ROBO1: variants seen among roughly 807,000 people sequenced by gnomAD.
ROBO1 encodes roundabout homolog 1.
ROBO1 carries 149 observed loss-of-function variants against 195.9 expected under a neutral mutation model. That is an observed-to-expected ratio of 0.76 (90% CI 0.67 to 0.87). ROBO1 has a LOEUF of 0.87. ROBO1 is among the 40% of genes least tolerant of loss of function. The pLI is 0.00. For missense variants in ROBO1, 1,933 were observed against 2,068.3 expected (o/e 0.93, Z 1.27); for synonymous variants, 816 against 733.2 (o/e 1.11, Z -1.82).
chr3:79,379,817 C>T (rs1173827130), intron 2 of ROBO1, among the ~76,000 whole-genome samples: 1 of 152,186 alleles, frequency 6.6e-6, no homozygotes, highest in Non-Finnish European at 1.5e-5. Context: ...TATTTATAGA[C>T]ATATAAAATA....
chr3:79,265,545 A>T (rs1350395409), intron 2 of ROBO1, among the ~76,000 whole-genome samples: 1 of 151,576 alleles, frequency 6.6e-6, no homozygotes, highest in Non-Finnish European at 1.5e-5. Flanking sequence ...TTATTTGCAA[A>T]TTTTTTAAGT....
chr3:79,365,436 A>G (rs1296345396), intron 2 of ROBO1, among the ~76,000 whole-genome samples: 1 of 152,168 alleles, frequency 6.6e-6, no homozygotes, highest in Non-Finnish European at 1.5e-5. Context: ...GTCGGTTGCT[A>G]CTTAGTCAGA....
intron 2 of ROBO1, among the ~76,000 whole-genome samples, chr3:79,280,784 T>C (rs1253960350): frequency 6.6e-6 from 1 of 152,146 alleles, no homozygotes; most frequent in Non-Finnish European, 1.5e-5. Context: ...TCGATTCTCA[T>C]AAGGAGCCTG....
At chr3:79,115,188 T>C (rs1274185858) in intron 3 of ROBO1, among the ~76,000 whole-genome samples, 2 of 152,142 alleles carry the variant, frequency 1.3e-5, no homozygotes, top group Admixed American at 6.6e-5. Flanking sequence ...TGAAGTATTC[T>C]ATCATCAAGT....
intron 3 of ROBO1, among the ~76,000 whole-genome samples, chr3:78,978,720 T>TA (rs938270292): frequency 2.0e-5 from 3 of 152,070 alleles, no homozygotes; most frequent in African/African-American, 7.2e-5. Flanking sequence ...GTACAGTATA[T>TA]AAAAAAGAAG....
At chr3:79,248,257 A>C (rs1441695574) in intron 2 of ROBO1, among the ~76,000 whole-genome samples, 1 of 151,898 alleles carries the variant, frequency 6.6e-6, no homozygotes, top group East Asian at 1.9e-4. Context: ...TTATTCATTT[A>C]ATAAATATTT....
intron 5 of ROBO1, among the ~76,000 whole-genome samples, chr3:78,738,235 C>T (rs1176353791): frequency 6.6e-6 from 1 of 151,990 alleles, no homozygotes; most frequent in African/African-American, 2.4e-5. Flanking sequence ...TGTGAGTCAG[C>T]TGCTTTTTAC....
chr3:78,714,446 T>A lies in ROBO1; in HGVS notation c.996A>T (p.Ala332=), dbSNP rs754937232. ...CTTCAGCTTTGCCCACCATATTTTC[T>A]GCAACACAAGTGTATGAACCCATGT... ...AGDMGSYTCV[A]ENMVGKAEAS... is the part of the protein sequence containing the mutation. Residue 332 remains alanine, a synonymous_variant, in exon 8 of 31, where the codon GCA becomes GCT. Coordinates refer to ENST00000464233, the MANE Select transcript of ROBO1 (RefSeq NM_002941.4). 8.7e-6 allele frequency: 14 copies of A among 1,613,426 alleles called. No homozygotes were observed. Among genetic ancestry groups the A allele is most frequent in the Middle Eastern group, 1.6e-4 (1 of 6,082 alleles).
intron 19 of ROBO1, among the ~76,000 whole-genome samples, chr3:78,649,076 T>C (rs1706483382): frequency 6.6e-6 from 1 of 150,990 alleles, no homozygotes; most frequent in Non-Finnish European, 1.5e-5. Context: ...AGAGAGTCAA[T>C]GTAATTTAGC....
At chr3:78,785,109 A>C (rs184273548) in intron 4 of ROBO1, among the ~76,000 whole-genome samples, 11 of 152,332 alleles carry the variant, frequency 7.2e-5, no homozygotes, top group Admixed American at 3.9e-4. Flanking sequence ...CAGATACATG[A>C]CTGCCTAGAA....
intron 2 of ROBO1, among the ~76,000 whole-genome samples, chr3:79,568,832 C>A (rs1943176329): frequency 6.6e-6 from 1 of 152,040 alleles, no homozygotes; most frequent in South Asian, 2.1e-4. Context: ...TAGTATGTTA[C>A]ATTAATATTA....
chr3:79,439,477 A>G (rs760692230), intron 2 of ROBO1, among the ~76,000 whole-genome samples: 3 of 152,104 alleles, frequency 2.0e-5, no homozygotes, highest in Admixed American at 1.3e-4. Flanking sequence ...ATTTTTAGGT[A>G]TGCTTTTGTT....
intron 2 of ROBO1, among the ~76,000 whole-genome samples, chr3:79,544,149 G>A (rs947174694): frequency 1.3e-4 from 20 of 151,858 alleles, no homozygotes; most frequent in African/African-American, 4.8e-4. Context: ...TTAATATAAA[G>A]CCTTTTTTCT....
intron 4 of ROBO1, among the ~76,000 whole-genome samples, chr3:78,859,039 T>C (rs963730999): frequency 1.3e-5 from 2 of 152,138 alleles, no homozygotes; most frequent in Admixed American, 1.3e-4. Flanking sequence ...CAACTCTCTG[T>C]TGAACTCTTG....
intron 4 of ROBO1, among the ~76,000 whole-genome samples, chr3:78,884,343 GGCTCACGTCTGTAATCCCA>G (rs2036370873): frequency 2.0e-5 from 3 of 152,036 alleles, no homozygotes; most frequent in African/African-American, 7.3e-5. Flanking sequence ...TGGGTGTGGT[GGCTCACGTCTGTAATCCCA>G]GCACTTTGGG....
In ROBO1 at chr3:79,181,778, T is replaced by C. The variant is rs190926168; in HGVS notation, c.89-56239A>G. On this transcript the variant is annotated intron_variant, in intron 2 of 30. Transcript: ENST00000464233. ...CATCTCTACTAAAACATTTGAAAAATTAGCCAGGCATACTGGTGGTGACAG... is the reference window on the plus strand; with the variant it reads ...CATCTCTACTAAAACATTTGAAAAACTAGCCAGGCATACTGGTGGTGACAG... 1.6e-3 allele frequency among the ~76,000 whole-genome samples: 238 copies of C among 151,966 alleles called. 3 individuals are homozygous for C. Among genetic ancestry groups the C allele is most frequent in the Non-Finnish European group, 2.2e-3 (150 of 67,956 alleles).
At chr3:79,316,585 TTAGAGA>T (rs1233321447) in intron 2 of ROBO1, among the ~76,000 whole-genome samples, 2 of 152,046 alleles carry the variant, frequency 1.3e-5, no homozygotes, top group African/African-American at 4.8e-5. Flanking sequence ...TCCTATGTTC[TTAGAGA>T]TAAAGTCTGA....
intron 3 of ROBO1, among the ~76,000 whole-genome samples, chr3:79,056,156 G>A (rs537555583): frequency 5.9e-5 from 9 of 151,886 alleles, no homozygotes; most frequent in South Asian, 4.2e-4. Context: ...TACATAAATC[G>A]GACTGTGAAA....
chr3:79,275,117 C>A (rs1474495389), intron 2 of ROBO1, among the ~76,000 whole-genome samples: 1 of 151,990 alleles, frequency 6.6e-6, no homozygotes, highest in Admixed American at 6.6e-5. Flanking sequence ...AGGAATACTT[C>A]CAAACTGATT....
Sources: gnomAD v4.1 joint callset for allele counts (sites outside exome capture counted in the v4.1 genomes callset) on GRCh38, gnomAD v4.1.1 for gene constraint, MANE v1.5 for transcripts, NCBI Gene and HGNC (gene_info 2026-07-23, HGNC 2026-07-21) for gene names.